Variants in SNTG2 observed in about 807,000 individuals in gnomAD.
The protein encoded by SNTG2 is syntrophin gamma 2, also known as gamma-2-syntrophin.
In SNTG2, 74 loss-of-function variants were observed where a neutral mutation model predicts 70.9. That is an observed-to-expected ratio of 1.04 (90% CI 0.86 to 1.27). SNTG2 has a LOEUF of 1.27. Among genes scored for constraint, SNTG2 ranks in the 50% most tolerant of loss-of-function variants. The pLI, the probability that SNTG2 is intolerant of heterozygous loss-of-function variation, is 0.00. For missense variants in SNTG2, 717 were observed against 690.7 expected (o/e 1.04, Z -0.43); for synonymous variants, 278 against 273.8 (o/e 1.02, Z -0.15).
Position 956,216 on chromosome 2 carries a change from TGCCCCGCCCCTGCCCCACCCCTGCCCC to T in SNTG2, c.72+5162_72+5188del, listed in dbSNP as rs1660147726. ...CCTGCCCTGCCACTGCCCCTGCCCCTGCCCCGCCCCTGCCCCACCCCTGCCCCGCCCCGCCCCTGCGCCTCCCCCTGC... is the reference window on the plus strand; with the variant it reads ...CCTGCCCTGCCACTGCCCCTGCCCCTGCCCCGCCCCTGCGCCTCCCCCTGC... On this transcript the variant is annotated intron_variant, in intron 1 of 16. Transcript: ENST00000308624. 2.0e-4 allele frequency among the ~76,000 whole-genome samples: 8 copies of T among 40,300 alleles called. No individual in the cohort carries two copies. The South Asian group carries it at 7.0e-3, about 35-fold the overall frequency. The allele number at this position is 40,300 out of a possible 152,430, so 26.4% of individuals were successfully genotyped here. A position where few individuals can be genotyped will look rare whatever the true frequency, so the allele number is the denominator to read the frequency against.
intron 1 of SNTG2, among the ~76,000 whole-genome samples, chr2:1,044,948 G>T (rs970654438): frequency 6.6e-6 from 1 of 151,966 alleles, no homozygotes; most frequent in African/African-American, 2.4e-5. Flanking sequence ...AATAGTTTCC[G>T]TAGCGTTGGT....
At chr2:1,043,366 TTGTC>T (rs1280533053) in intron 1 of SNTG2, among the ~76,000 whole-genome samples, 9 of 152,168 alleles carry the variant, frequency 5.9e-5, no homozygotes, top group African/African-American at 1.9e-4. Flanking sequence ...ATCCTGTAGG[TTGTC>T]TGTTTACTCT....
chr2:952,581 C>T (rs1162365488), intron 1 of SNTG2, among the ~76,000 whole-genome samples: 1 of 152,210 alleles, frequency 6.6e-6, no homozygotes. Flanking sequence ...CACCTGTTTG[C>T]TACAAGATGT....
At chr2:1,265,092 C>G (rs965572533) in intron 13 of SNTG2, among the ~76,000 whole-genome samples, 1 of 151,888 alleles carries the variant, frequency 6.6e-6, no homozygotes, top group African/African-American at 2.4e-5. Flanking sequence ...GGGGGATGTG[C>G]GTTCCCACAT....
At chr2:1,183,411 C>T (rs1031811224) in intron 8 of SNTG2, among the ~76,000 whole-genome samples, 3 of 152,130 alleles carry the variant, frequency 2.0e-5, no homozygotes, top group African/African-American at 4.8e-5. Context: ...ATGTCCTTAC[C>T]TTTAGCAGAT....
At chr2:1,245,330 A>C (rs1370238794) in intron 11 of SNTG2, among the ~76,000 whole-genome samples, 1 of 152,194 alleles carries the variant, frequency 6.6e-6, no homozygotes, top group Non-Finnish European at 1.5e-5. Context: ...AAGGCACTCA[A>C]ATGTGCGTAA....
intron 1 of SNTG2, among the ~76,000 whole-genome samples, chr2:1,062,860 G>A (rs1018600141): frequency 2.6e-5 from 4 of 152,130 alleles, no homozygotes; most frequent in African/African-American, 9.7e-5. Context: ...AAATATGTGT[G>A]TGTGCATACA....
At chr2:1,150,812 C>T (rs1038097579) in intron 6 of SNTG2, among the ~76,000 whole-genome samples, 1 of 152,140 alleles carries the variant, frequency 6.6e-6, no homozygotes, top group African/African-American at 2.4e-5. Context: ...AAGACCAGAC[C>T]TCTCATGAAT....
At chr2:997,824 T>A (rs1328434536) in intron 1 of SNTG2, among the ~76,000 whole-genome samples, 1 of 152,178 alleles carries the variant, frequency 6.6e-6, no homozygotes, top group Non-Finnish European at 1.5e-5. Flanking sequence ...ACCCTTCTGC[T>A]ACCACCACAA....
chr2:1,125,360 G>A (rs6725243), intron 4 of SNTG2, among the ~76,000 whole-genome samples: 168 of 152,184 alleles, frequency 1.1e-3, no homozygotes, highest in African/African-American at 3.9e-3. Context: ...TGTGTAACAG[G>A]AAGCTGAGTT....
chr2:1,144,772 C>T (rs1668990994), intron 6 of SNTG2, among the ~76,000 whole-genome samples: 1 of 152,144 alleles, frequency 6.6e-6, no homozygotes, highest in Non-Finnish European at 1.5e-5. Context: ...ATTCAATTAC[C>T]TCCCACCAGG....
intron 1 of SNTG2, among the ~76,000 whole-genome samples, chr2:990,879 G>A (rs988613279): frequency 1.3e-5 from 2 of 151,848 alleles, no homozygotes; most frequent in East Asian, 1.9e-4. Context: ...AAAAGAATGA[G>A]AAAATTCACC....
At chr2:1,232,689 G>A (rs1405259864) in intron 9 of SNTG2, among the ~76,000 whole-genome samples, 1 of 152,162 alleles carries the variant, frequency 6.6e-6, no homozygotes, top group African/African-American at 2.4e-5. Context: ...ATTTAGAAAT[G>A]CCACTGCATG....
At chr2:1,048,022 T>C (rs574642759) in intron 1 of SNTG2, among the ~76,000 whole-genome samples, 1 of 152,326 alleles carries the variant, frequency 6.6e-6, no homozygotes, top group African/African-American at 2.4e-5. Context: ...TTTATCCATA[T>C]ATTTAGATTT....
chr2:1,252,496 T>C (rs1677827265), intron 12 of SNTG2, among the ~76,000 whole-genome samples: 1 of 152,210 alleles, frequency 6.6e-6, no homozygotes, highest in African/African-American at 2.4e-5. Context: ...GGAAGTTTTC[T>C]CTCTTGATAA....
At chr2:1,245,655 A>G (rs1317712993) in intron 11 of SNTG2, among the ~76,000 whole-genome samples, 1 of 152,248 alleles carries the variant, frequency 6.6e-6, no homozygotes, top group Non-Finnish European at 1.5e-5. Context: ...ACAGAGTATA[A>G]ATGCTAGTGT....
chr2:1,256,789 G>A (rs1678144783), intron 12 of SNTG2, among the ~76,000 whole-genome samples: 1 of 152,112 alleles, frequency 6.6e-6, no homozygotes, highest in Non-Finnish European at 1.5e-5. Context: ...GAAGTCACCT[G>A]AGCTGCGTGT....
At chr2:1,241,062 A>G (rs943029230) in intron 11 of SNTG2, among the ~76,000 whole-genome samples, 2 of 152,208 alleles carry the variant, frequency 1.3e-5, no homozygotes, top group African/African-American at 4.8e-5. Flanking sequence ...TTTTGACATG[A>G]TCTCTATGAA....
chr2:1,327,485 A>G (rs868667013), intron 16 of SNTG2, among the ~76,000 whole-genome samples: 17 of 152,366 alleles, frequency 1.1e-4, no homozygotes, highest in Middle Eastern at 3.4e-3. Flanking sequence ...TTAAGTAAAC[A>G]TATTATAAAA....
Sources: gnomAD v4.1 joint callset for allele counts (sites outside exome capture counted in the v4.1 genomes callset) on GRCh38, gnomAD v4.1.1 for gene constraint, MANE v1.5 for transcripts, NCBI Gene and HGNC (gene_info 2026-07-23, HGNC 2026-07-21) for gene names.